The following CXCL13 variants were observed in gnomAD, a reference collection of about 807,000 sequenced individuals.
CXCL13 encodes C-X-C motif chemokine ligand 13, also known as C-X-C motif chemokine 13.
In CXCL13, 7 loss-of-function variants were observed where a neutral mutation model predicts 12.2. The ratio of observed to expected loss-of-function variants is 0.57; its 90% CI spans 0.33 to 1.07. The LOEUF (loss-of-function observed/expected upper bound fraction) is 1.07, where lower values mean the gene tolerates loss of function less well. Among genes scored for constraint, CXCL13 ranks in the 50% least tolerant of loss-of-function variants. The probability of loss-of-function intolerance (pLI) is 0.04; values close to 1 mark genes in which losing one functional copy is unlikely to be tolerated. For missense variants in CXCL13, 113 were observed against 127.4 expected, an observed-to-expected ratio of 0.89 and a Z score of 0.55; for synonymous variants, 47 against 42.4, an observed-to-expected ratio of 1.11 and a Z score of -0.42.
intron 1 of CXCL13, among the ~76,000 whole-genome samples, chr4:77,520,968 G>A (rs1010832614): frequency 6.6e-6 from 1 of 152,192 alleles, no homozygotes; most frequent in South Asian, 2.1e-4. Flanking sequence ...CATCCATTGA[G>A]ATAATCATGT....
intron 1 of CXCL13, among the ~76,000 whole-genome samples, chr4:77,533,905 T>C (rs763890657): frequency 1.3e-5 from 2 of 152,014 alleles, no homozygotes; most frequent in Non-Finnish European, 2.9e-5. Flanking sequence ...AGGGTGAGAG[T>C]GACCCAATTT....
intron 1 of CXCL13, among the ~76,000 whole-genome samples, chr4:77,520,389 C>G (rs1000680534): frequency 1.3e-5 from 2 of 151,962 alleles, no homozygotes; most frequent in African/African-American, 2.4e-5. Flanking sequence ...CTTTTATTTC[C>G]TTGAGCAGTG....
At chr4:77,513,753 G>T (rs564844770) in intron 1 of CXCL13, among the ~76,000 whole-genome samples, 73 of 151,002 alleles carry the variant, frequency 4.8e-4, no homozygotes, top group African/African-American at 1.7e-3. Context: ...CACCTGGCCT[G>T]TTTCCTGACT....
At chr4:77,569,849 G>A (rs565509666) in intron 1 of CXCL13, among the ~76,000 whole-genome samples, 2 of 152,270 alleles carry the variant, frequency 1.3e-5, no homozygotes, top group African/African-American at 2.4e-5. Context: ...AAACCTGGAG[G>A]CATCATGTTA....
intron 1 of CXCL13, among the ~76,000 whole-genome samples, chr4:77,596,782 T>A (rs1726770400): frequency 8.1e-6 from 1 of 122,782 alleles, no homozygotes; most frequent in African/African-American, 3.3e-5. Context: ...TGAGACTCTG[T>A]CTCAAAAAAA....
At chr4:77,514,650 G>C (rs1334977385) in intron 1 of CXCL13, among the ~76,000 whole-genome samples, 1 of 149,758 alleles carries the variant, frequency 6.7e-6, no homozygotes, top group Non-Finnish European at 1.5e-5. Context: ...TTTTGATGGG[G>C]TTGTTTGTTT....
intron 1 of CXCL13, among the ~76,000 whole-genome samples, chr4:77,594,966 G>A (rs544735569): frequency 3.1e-3 from 468 of 151,714 alleles, no homozygotes; most frequent in Non-Finnish European, 4.8e-3. Context: ...AAAAATAGAG[G>A]GAAAAAAATT....
intron 2 of CXCL13, among the ~76,000 whole-genome samples, chr4:77,608,433 T>C (rs1578075340): frequency 7.0e-6 from 1 of 143,232 alleles, no homozygotes; most frequent in South Asian, 2.2e-4. Context: ...AGAGCGAAAC[T>C]CCATCTCAAA....
chr4:77,592,735 G>T (rs1377392553), intron 1 of CXCL13, among the ~76,000 whole-genome samples: 3 of 152,178 alleles, frequency 2.0e-5, no homozygotes, highest in Non-Finnish European at 4.4e-5. Context: ...TGCCACAGGG[G>T]CAATCCAGTG....
rs78866892 is a variant in CXCL13 at position 77,536,229 on chromosome 4, C to T, written c.-43+24441C>T. Among the ~76,000 whole-genome samples the T allele has an allele frequency of 9.1e-3, 1,386 of 152,122 alleles. 12 individuals are homozygous for T. Among genetic ancestry groups the T allele is most frequent in the East Asian group, 0.015 (75 of 5,170 alleles). On this transcript the variant is annotated intron_variant, in intron 1 of 4. Transcript: ENST00000286758. ...TTTACACTCTGCCTTATTTCATTGA[C>T]GATGTAAAGTAGATGGCATGAAAGT...
At chr4:77,593,739 T>A (rs150889401) in intron 1 of CXCL13, among the ~76,000 whole-genome samples, 7 of 152,262 alleles carry the variant, frequency 4.6e-5, no homozygotes, top group African/African-American at 1.7e-4. Flanking sequence ...CTGGTGAAAA[T>A]CTTGGCATGC....
At chr4:77,600,477 T>C (rs1235063937) in intron 1 of CXCL13, among the ~76,000 whole-genome samples, 1 of 152,210 alleles carries the variant, frequency 6.6e-6, no homozygotes, top group Non-Finnish European at 1.5e-5. Context: ...TCTTCATTGA[T>C]GGTTATAACA....
chr4:77,555,319 A>G (rs941265832), intron 1 of CXCL13, among the ~76,000 whole-genome samples: 3 of 152,042 alleles, frequency 2.0e-5, no homozygotes, highest in Non-Finnish European at 2.9e-5. Flanking sequence ...GGGCAAATTT[A>G]TTGAAAGACA....
chr4:77,556,809 G>A (rs980196235), intron 1 of CXCL13, among the ~76,000 whole-genome samples: 1 of 152,022 alleles, frequency 6.6e-6, no homozygotes, highest in Non-Finnish European at 1.5e-5. Context: ...CCTGAAGTCC[G>A]GGGTTTATGC....
rs1213578745 is a variant in CXCL13 at position 77,531,606 on chromosome 4, ACTTT to A, written c.-43+19821_-43+19824del. On this transcript the variant is annotated intron_variant, in intron 1 of 4. Coordinates refer to the CXCL13 transcript ENST00000286758. ...GATCAATTCCTGGATATCCTTGTTAACTTTCTGTCTCATTGATCTGTCTAATGGT... is the reference window on the plus strand; with the variant it reads ...GATCAATTCCTGGATATCCTTGTTAACTGTCTCATTGATCTGTCTAATGGT... Among the ~76,000 whole-genome samples, 10 of 151,980 alleles carry A rather than the reference ACTTT, an allele frequency of 6.6e-5. No homozygotes were observed. The East Asian group carries it at 1.4e-3, about 21-fold the overall frequency.
chr4:77,593,533 G>A (rs1009814571), intron 1 of CXCL13, among the ~76,000 whole-genome samples: 2 of 152,224 alleles, frequency 1.3e-5, no homozygotes, highest in African/African-American at 2.4e-5. Flanking sequence ...TAATGGAAAT[G>A]CATAAGCGGA....
At chr4:77,573,400 GTGTGTGTGTGTA>G (rs1350431056) in intron 1 of CXCL13, among the ~76,000 whole-genome samples, 10 of 145,628 alleles carry the variant, frequency 6.9e-5, no homozygotes, top group African/African-American at 2.5e-4. Flanking sequence ...GTGTGTGTGT[GTGTGTGTGTGTA>G]TGTCTAAATG....
At chr4:77,545,298 C>T (rs1318404951) in intron 1 of CXCL13, among the ~76,000 whole-genome samples, 2 of 152,098 alleles carry the variant, frequency 1.3e-5, no homozygotes, top group Non-Finnish European at 2.9e-5. Flanking sequence ...TCATTGGTAG[C>T]TTGATGGGGA....
At chr4:77,574,200 C>G (rs1360244390) in intron 1 of CXCL13, among the ~76,000 whole-genome samples, 1 of 151,792 alleles carries the variant, frequency 6.6e-6, no homozygotes, top group South Asian at 2.1e-4. Context: ...TCTTTTCAGT[C>G]AACTGGATTA....
Sources: allele counts gnomAD v4.1 joint callset (sites outside exome capture counted in the v4.1 genomes callset), GRCh38; gene constraint gnomAD v4.1.1; transcripts MANE v1.5; gene names NCBI Gene and HGNC (gene_info 2026-07-23, HGNC 2026-07-21).